The following VPS50 variants were observed in gnomAD, a reference collection of about 807,000 sequenced individuals.
VPS50 encodes VPS50 subunit of EARP/GARPII complex.
VPS50 carries 70 observed loss-of-function variants against 139.7 expected under a neutral mutation model. That is an observed-to-expected ratio of 0.50 (90% CI 0.41 to 0.61). The LOEUF is 0.61. Ranked by LOEUF, VPS50 falls within the 20% of genes least tolerant of loss-of-function variation. The pLI is 0.00. For synonymous variants in VPS50, 365 were observed against 376.7 expected, an observed-to-expected ratio of 0.97 and a Z score of 0.36; for missense variants, 921 against 1,133.7, an observed-to-expected ratio of 0.81 and a Z score of 2.69.
At chr7:93,357,372 C>A (rs17165283) in intron 27 of VPS50, among the ~76,000 whole-genome samples, 13,083 of 152,088 alleles carry the variant, frequency 0.086, 608 homozygotes, top group African/African-American at 0.12. Context: ...ATTTCCCCAG[C>A]AGCAGCAGGG....
intron 5 of VPS50, 29 bp from the exon 6 acceptor site, chr7:93,257,365 A>G (rs766151710): frequency 1.5e-6 from 2 of 1,370,386 alleles, no homozygotes; most frequent in African/African-American, 1.4e-5. Flanking sequence ...AATACCTCCA[A>G]CAATAACCTG....
chr7:93,323,822 C>G, intron 21 of VPS50, 90 bp downstream of exon 21: 1 of 598,442 alleles, frequency 1.7e-6, no homozygotes, highest in Non-Finnish European at 2.6e-6. Context: ...AGAAGATACA[C>G]AAATAACATT....
intron 9 of VPS50, among the ~76,000 whole-genome samples, chr7:93,261,465 C>T (rs1795671742): frequency 6.6e-6 from 1 of 151,904 alleles, no homozygotes; most frequent in Non-Finnish European, 1.5e-5. Flanking sequence ...ATCACGAGGT[C>T]AGGAGATCGA....
At chr7:93,308,255 G>C (rs914105032) in intron 18 of VPS50, among the ~76,000 whole-genome samples, 9 of 151,702 alleles carry the variant, frequency 5.9e-5, no homozygotes, top group Admixed American at 2.6e-4. Flanking sequence ...AAAATGTTAG[G>C]AAGACACCCT....
At position 93,334,122 on chromosome 7, in the gene VPS50, A is replaced by G. The variant is rs771949734; in HGVS notation, c.1983A>G (p.Glu661=). ...CAAGCCTTTTTCTTTTTCAGTTGGA[A>G]TCAACTGGACTCGGCCTTAGTAGTA... is the stretch of plus-strand genomic sequence containing the variant. ...YTFFGRNDSL[E]STGLGLSSSR... is the part of the protein sequence containing the mutation. Residue 661 remains glutamate, a synonymous_variant, in exon 22 of 28, where the codon GAA becomes GAG. Transcript: ENST00000305866. 3 of 1,574,456 alleles carry G rather than the reference A, an allele frequency of 1.9e-6. No homozygotes were observed. In the East Asian group the frequency reaches 6.7e-5, roughly 35 times the overall value.
chr7:93,337,825 A>G (rs1056635266), intron 22 of VPS50, among the ~76,000 whole-genome samples: 1 of 152,084 alleles, frequency 6.6e-6, no homozygotes, highest in African/African-American at 2.4e-5. Flanking sequence ...CTTCTGCTTG[A>G]ACATCTCCAG....
chr7:93,233,868 A>G (rs1391329777), intron 1 of VPS50, among the ~76,000 whole-genome samples: 1 of 152,226 alleles, frequency 6.6e-6, no homozygotes, highest in East Asian at 1.9e-4. Context: ...TTTACATGAT[A>G]TAATGAAGTT....
At chr7:93,320,227 A>G (rs1461354688) in intron 20 of VPS50, 2 of 151,812 alleles carry the variant, frequency 1.3e-5, no homozygotes, top group African/African-American at 2.4e-5. Flanking sequence ...ATTTACTGGC[A>G]GTCTTTATGG....
At chr7:93,255,760 G>A (rs1337970586) in intron 4 of VPS50, among the ~76,000 whole-genome samples, 1 of 152,200 alleles carries the variant, frequency 6.6e-6, no homozygotes, top group Non-Finnish European at 1.5e-5. Context: ...TAATGCAGTA[G>A]TGTAGTGGGT....
intron 4 of VPS50, among the ~76,000 whole-genome samples, chr7:93,255,995 C>T (rs1283496549): frequency 6.6e-6 from 1 of 152,166 alleles, no homozygotes; most frequent in Non-Finnish European, 1.5e-5. Flanking sequence ...ATACACACAA[C>T]CTTAGATATC....
chr7:93,235,442 G>A (rs1480829517), intron 1 of VPS50, among the ~76,000 whole-genome samples: 1 of 152,168 alleles, frequency 6.6e-6, no homozygotes, highest in African/African-American at 2.4e-5. Flanking sequence ...ATTGAAGAGC[G>A]GAAAAGAGCA....
intron 9 of VPS50, among the ~76,000 whole-genome samples, chr7:93,261,566 T>G (rs1795677873): frequency 6.6e-6 from 1 of 150,564 alleles, no homozygotes; most frequent in African/African-American, 2.5e-5. Flanking sequence ...TAGTCCCAGC[T>G]ACTCGGGAGG....
At chr7:93,346,613 G>A (rs1033586921) in intron 23 of VPS50, among the ~76,000 whole-genome samples, 16 of 151,896 alleles carry the variant, frequency 1.1e-4, no homozygotes, top group African/African-American at 3.9e-4. Context: ...CATGGTACTG[G>A]TACCAAAACA....
At chr7:93,310,592 T>C (rs557666147) in intron 19 of VPS50, among the ~76,000 whole-genome samples, 1 of 152,212 alleles carries the variant, frequency 6.6e-6, no homozygotes, top group Non-Finnish European at 1.5e-5. Flanking sequence ...TATCTGGCCT[T>C]TACTTGCCTC....
At chr7:93,315,625 T>C (rs1181621668) in intron 20 of VPS50, among the ~76,000 whole-genome samples, 3 of 152,204 alleles carry the variant, frequency 2.0e-5, no homozygotes, top group African/African-American at 7.2e-5. Flanking sequence ...AGGTTAAACA[T>C]GGCATCTCAT....
chr7:93,338,968 G>C (rs1004300456), intron 22 of VPS50, among the ~76,000 whole-genome samples: 2 of 152,138 alleles, frequency 1.3e-5, no homozygotes, highest in Non-Finnish European at 2.9e-5. Context: ...GTCTGTTTAG[G>C]CATGTTTTAG....
chr7:93,234,438 C>A (rs1463617683), intron 1 of VPS50, among the ~76,000 whole-genome samples: 2 of 152,072 alleles, frequency 1.3e-5, no homozygotes, highest in African/African-American at 4.8e-5. Context: ...AAAGCTGGAA[C>A]CATACTGTGT....
intron 9 of VPS50, among the ~76,000 whole-genome samples, chr7:93,265,910 G>T (rs1335698454): frequency 6.6e-6 from 1 of 152,196 alleles, no homozygotes; most frequent in African/African-American, 2.4e-5. Flanking sequence ...GTTAAGTGAA[G>T]ACAGACATCT....
intron 21 of VPS50, among the ~76,000 whole-genome samples, chr7:93,328,537 CT>C (rs1277247814): frequency 6.6e-6 from 1 of 152,066 alleles, no homozygotes; most frequent in African/African-American, 2.4e-5. Flanking sequence ...AATCTGAATA[CT>C]ATAGAAAAGG....
Sources: gnomAD v4.1 joint callset for allele counts (sites outside exome capture counted in the v4.1 genomes callset) on GRCh38, gnomAD v4.1.1 for gene constraint, MANE v1.5 for transcripts, NCBI Gene and HGNC (gene_info 2026-07-23, HGNC 2026-07-21) for gene names.